The following DNAH6 variants were observed in gnomAD, a reference collection of about 807,000 sequenced individuals.
DNAH6 encodes axonemal beta dynein heavy chain 6.
A neutral mutation model predicts 491.4 loss-of-function variants in DNAH6; 340 were observed. The observed-to-expected ratio is 0.69, with a 90% CI of 0.63 to 0.76. The LOEUF is 0.76. Among genes scored for constraint, DNAH6 ranks in the 30% least tolerant of loss-of-function variants. The pLI is 0.00. For synonymous variants in DNAH6, 1,603 were observed against 1,686.1 expected (o/e 0.95, Z 1.21); for missense variants, 4,443 against 4,972.2 (o/e 0.89, Z 3.20).
the DNAH6 span, among the ~76,000 whole-genome samples, chr2:84,493,329 A>G: frequency 6.6e-6 from 1 of 152,250 alleles, no homozygotes; most frequent in Non-Finnish European, 1.5e-5. Context: ...ATTTTCACTT[A>G]GCAGTATATT....
the DNAH6 span, among the ~76,000 whole-genome samples, chr2:84,477,883 A>G: frequency 3.2e-4 from 48 of 152,348 alleles, no homozygotes; most frequent in African/African-American, 1.2e-3. Flanking sequence ...ACTCTGCCAC[A>G]TGGAAATGGA....
chr2:84,622,904 TG>T (rs1687528670), intron 26 of DNAH6, among the ~76,000 whole-genome samples: 1 of 152,192 alleles, frequency 6.6e-6, no homozygotes, highest in Non-Finnish European at 1.5e-5. Flanking sequence ...ATTATGTTTT[TG>T]ATTTGCATTT....
At chr2:84,724,572 C>T (rs1395193801) in intron 60 of DNAH6, among the ~76,000 whole-genome samples, 3 of 152,206 alleles carry the variant, frequency 2.0e-5, no homozygotes, top group Non-Finnish European at 4.4e-5. Context: ...TCCTCCCAAC[C>T]TAAATGCTGC....
chr2:84,587,430 T>C (rs907847707), intron 15 of DNAH6, among the ~76,000 whole-genome samples: 8 of 152,218 alleles, frequency 5.3e-5, no homozygotes, highest in African/African-American at 1.4e-4. Context: ...ATGCAAATCA[T>C]GCATTTTAAA....
intron 33 of DNAH6, among the ~76,000 whole-genome samples, chr2:84,644,484 T>A (rs1423566452): frequency 1.3e-5 from 2 of 152,164 alleles, no homozygotes; most frequent in African/African-American, 2.4e-5. Context: ...TACAGTTTTG[T>A]TATGTAGGTA....
intron 44 of DNAH6, among the ~76,000 whole-genome samples, chr2:84,687,751 TA>T: frequency 1.3e-5 from 2 of 151,604 alleles, no homozygotes; most frequent in Non-Finnish European, 2.9e-5. Flanking sequence ...ATATCATCAA[TA>T]GATTAAAACA....
rs1215009005 is a variant in DNAH6 at position 84,611,684 on chromosome 2, T to G, written c.3305T>G (p.Leu1102Arg). The G allele has an allele frequency of 1.9e-6, 3 of 1,550,526 alleles. No homozygotes were observed. Among genetic ancestry groups the G allele is most frequent in the Middle Eastern group, 1.7e-4 (1 of 6,000 alleles). Reference sequence around the variant, plus strand: ...ATATTTTTCTCCTAGGAAGAGTGGCTGACCTGCCAGAGAAACTGGCTCTAC... The same window carrying G: ...ATATTTTTCTCCTAGGAAGAGTGGCGGACCTGCCAGAGAAACTGGCTCTAC... Reference protein sequence around the residue: ...ALFNQTLEEWLTCQRNWLYLE... With the variant: ...ALFNQTLEEWRTCQRNWLYLE... The change falls in exon 22 of 77, where the codon CTG becomes CGG. Residue 1102 changes from leucine to arginine, a missense_variant. Coordinates refer to ENST00000389394, the MANE Select transcript of DNAH6 (RefSeq NM_001370.2).
At chr2:84,572,039 A>T (rs1221818341) in intron 11 of DNAH6, among the ~76,000 whole-genome samples, 2 of 152,202 alleles carry the variant, frequency 1.3e-5, no homozygotes, top group Non-Finnish European at 2.9e-5. Context: ...TCATTACTGG[A>T]ACAAATGGTA....
intron 21 of DNAH6, among the ~76,000 whole-genome samples, chr2:84,610,986 A>G (rs1531365): frequency 0.18 from 27,230 of 152,142 alleles, 4,556 homozygotes; most frequent in African/African-American, 0.44. Flanking sequence ...AAGTGGTTGT[A>G]ACATTTGGGC....
intron 53 of DNAH6, 34 bp from the exon 54 acceptor site, chr2:84,707,486 A>G (rs1696587362): frequency 1.3e-6 from 2 of 1,488,424 alleles, no homozygotes; most frequent in Non-Finnish European, 1.8e-6. Context: ...AAAATATTTA[A>G]TAGTATAATC....
In DNAH6 at chr2:84,557,740, T is replaced by G; in HGVS notation, c.1608T>G (p.Gly536=). The change falls in exon 11 of 77, where the codon GGT becomes GGG. Residue 536 remains glycine, a synonymous_variant. Coordinates refer to ENST00000389394, the MANE Select transcript of DNAH6 (RefSeq NM_001370.2). ...FEPSLEDFLD[G]ILGAVNHCQN... ...TATGCTTTTCTCTTTAACAGGATGG[T>G]ATTTTGGGTGCAGTTAATCACTGTC... is the stretch of plus-strand genomic sequence containing the variant. 6.4e-7 allele frequency: 1 copy of G among 1,573,354 alleles called. No individual in the cohort carries two copies. Among genetic ancestry groups the G allele is most frequent in the Non-Finnish European group, 8.7e-7 (1 of 1,152,856 alleles).
chr2:84,553,628 A>ATTT (rs748931607), intron 10 of DNAH6, among the ~76,000 whole-genome samples: 69,380 of 91,046 alleles, frequency 0.76, 27,587 homozygotes, highest in South Asian at 0.81. Context: ...AGGACTGGCT[A>ATTT]TTTTTTTTTT....
chr2:84,600,895 G>A (rs538004665), intron 18 of DNAH6, among the ~76,000 whole-genome samples: 1 of 150,624 alleles, frequency 6.6e-6, no homozygotes, highest in African/African-American at 2.4e-5. Context: ...CACCCCAGTA[G>A]CAATGAGCAT....
chr2:84,787,214 T>G lies in DNAH6; in HGVS notation c.11151T>G (p.Asn3717Lys). 6.5e-7 allele frequency: 1 copy of G among 1,541,732 alleles called. No individual in the cohort carries two copies. Among genetic ancestry groups the G allele is most frequent in the Non-Finnish European group, 8.8e-7 (1 of 1,140,340 alleles). The change falls in exon 68 of 77, where the codon AAT becomes AAG. Residue 3717 changes from asparagine to lysine, a missense_variant. Physicochemically the swap from Asn to Lys is moderately conservative, Grantham distance 94. Around this residue, in one of 3 missense-constraint regions of DNAH6, gnomAD observed 1,463 missense variants for 1,656.6 expected, o/e 0.88. Coordinates refer to ENST00000389394, the MANE Select transcript of DNAH6 (RefSeq NM_001370.2). ...GTTGGAATATCTGCTATGAATTTAATGACAGTGACAGGGAATGTGCTTTAC... is the reference window on the plus strand; with the variant it reads ...GTTGGAATATCTGCTATGAATTTAAGGACAGTGACAGGGAATGTGCTTTAC... ...PLGWNICYEF[N>K]DSDRECALLN...
rs181392106 is a variant in DNAH6 at position 84,670,644 on chromosome 2, G to T, written c.6454+169G>T. 3.7e-3 allele frequency among the ~76,000 whole-genome samples: 563 copies of T among 152,262 alleles called. 5 individuals are homozygous for T. The highest frequency in any genetic ancestry group is 4.2e-3 in the Non-Finnish European group (287 of 68,024). On this transcript the variant is annotated intron_variant, in intron 39 of 76. Coordinates refer to ENST00000389394, the MANE Select transcript of DNAH6 (RefSeq NM_001370.2). ...ATGCTAGCTATGTAGATGTCTTAGT[G>T]TTGCCAAGCAAGTCATTTATTTCTG...
At chr2:84,795,096 C>T (rs1678207793) in intron 68 of DNAH6, among the ~76,000 whole-genome samples, 1 of 141,236 alleles carries the variant, frequency 7.1e-6, no homozygotes, top group African/African-American at 2.7e-5. Flanking sequence ...CCAAACACCA[C>T]ATGTTCTCAC....
At chr2:84,672,809 T>C (rs1040984016) in intron 40 of DNAH6, among the ~76,000 whole-genome samples, 2 of 152,212 alleles carry the variant, frequency 1.3e-5, no homozygotes, top group Admixed American at 6.5e-5. Context: ...CCTCTTTATT[T>C]GGACTATCTC....
intron 33 of DNAH6, among the ~76,000 whole-genome samples, chr2:84,646,717 G>C (rs1049544191): frequency 1.3e-5 from 2 of 152,206 alleles, no homozygotes; most frequent in African/African-American, 2.4e-5. Flanking sequence ...TTCTATAAAG[G>C]AGGAGAGAGT....
At chr2:84,602,710 C>T (rs1217983271) in intron 18 of DNAH6, among the ~76,000 whole-genome samples, 1 of 149,322 alleles carries the variant, frequency 6.7e-6, no homozygotes, top group African/African-American at 2.5e-5. Flanking sequence ...TTCTTCTGCT[C>T]TGTTTTCTGT....
Sources: gnomAD v4.1 joint callset for allele counts (sites outside exome capture counted in the v4.1 genomes callset) on GRCh38, gnomAD v4.1.1 for gene constraint, gnomAD v4.1.1 regional missense constraint, MANE v1.5 for transcripts, NCBI Gene and HGNC (gene_info 2026-07-23, HGNC 2026-07-21) for gene names.